The following FMN2 variants were observed in gnomAD, a reference collection of about 807,000 sequenced individuals.
FMN2 encodes formin 2, also known as formin-2.
A neutral mutation model predicts 142.3 loss-of-function variants in FMN2; 51 were observed. The ratio of observed to expected loss-of-function variants is 0.36; its 90% CI spans 0.29 to 0.45. FMN2 has a LOEUF of 0.45. FMN2 is among the 20% of genes least tolerant of loss of function. The pLI is 1.00. For synonymous variants in FMN2, 882 were observed against 869.8 expected (o/e 1.01, Z -0.25); for missense variants, 1,936 against 2,122.8 (o/e 0.91, Z 1.73).
At chr1:240,172,911 A>T (rs1664764612) in intron 2 of FMN2, among the ~76,000 whole-genome samples, 2 of 149,494 alleles carry the variant, frequency 1.3e-5, no homozygotes, top group African/African-American at 5.0e-5. Flanking sequence ...TTCAGTAGGC[A>T]GCCAGTGGCC....
At chr1:240,170,247 G>A in intron 2 of FMN2, 1 of 1,259,274 alleles carries the variant, frequency 7.9e-7, no homozygotes. Context: ...AGGAGATAGA[G>A]GTGGCACCCC....
chr1:240,414,473 C>T (rs970282783), intron 15 of FMN2, among the ~76,000 whole-genome samples: 1 of 152,176 alleles, frequency 6.6e-6, no homozygotes, highest in African/African-American at 2.4e-5. Context: ...GCTCTGCAAT[C>T]CTGGAATTCA....
intron 7 of FMN2, chr1:240,285,279 G>A (rs1027324573): frequency 2.2e-6 from 1 of 455,184 alleles, no homozygotes; most frequent in African/African-American, 2.0e-5. Context: ...AAGGTGAGGG[G>A]AAGGGAGGAA....
At chr1:240,429,923 C>T (rs1239387571) in intron 15 of FMN2, among the ~76,000 whole-genome samples, 3 of 149,888 alleles carry the variant, frequency 2.0e-5, no homozygotes, top group Non-Finnish European at 3.0e-5. Flanking sequence ...TCTCGCTCTG[C>T]CGCCCAGGCT....
intron 15 of FMN2, among the ~76,000 whole-genome samples, chr1:240,405,007 C>CT (rs1177640971): frequency 6.6e-6 from 1 of 152,110 alleles, no homozygotes; most frequent in Non-Finnish European, 1.5e-5. Context: ...TTTGTATAAA[C>CT]TTGAGATCCT....
At chr1:240,376,253 GTC>G (rs1333549142) in intron 14 of FMN2, among the ~76,000 whole-genome samples, 3 of 152,006 alleles carry the variant, frequency 2.0e-5, no homozygotes, top group African/African-American at 7.2e-5. Context: ...ATAAAGTTGA[GTC>G]TTATTTTTCT....
At chr1:240,306,181 C>A (rs1252778036) in intron 8 of FMN2, among the ~76,000 whole-genome samples, 1 of 152,122 alleles carries the variant, frequency 6.6e-6, no homozygotes. Flanking sequence ...GACTCCTGAC[C>A]TCATGGTCCA....
At chr1:240,125,559 G>A (rs1194674129) in intron 2 of FMN2, among the ~76,000 whole-genome samples, 1 of 152,196 alleles carries the variant, frequency 6.6e-6, no homozygotes, top group Non-Finnish European at 1.5e-5. Flanking sequence ...TATAGTGCAG[G>A]CAAAGGCAAA....
At chr1:240,185,305 A>T (rs12046275) in intron 3 of FMN2, among the ~76,000 whole-genome samples, 2 of 150,950 alleles carry the variant, frequency 1.3e-5, no homozygotes, top group African/African-American at 2.4e-5. Flanking sequence ...TTTATTTTTC[A>T]GTGAAGTTAT....
chr1:240,225,588 A>G (rs1393316743), intron 6 of FMN2, among the ~76,000 whole-genome samples: 2 of 152,238 alleles, frequency 1.3e-5, no homozygotes, highest in Non-Finnish European at 2.9e-5. Context: ...AGGGAAGGGA[A>G]AAATCAATAT....
intron 13 of FMN2, among the ~76,000 whole-genome samples, chr1:240,355,306 C>A (rs1672226772): frequency 1.3e-5 from 2 of 152,058 alleles, no homozygotes; most frequent in Non-Finnish European, 1.5e-5. Context: ...ACTAACATTA[C>A]CACCCATGTT....
intron 14 of FMN2, among the ~76,000 whole-genome samples, chr1:240,376,824 G>C (rs950927600): frequency 6.6e-6 from 1 of 152,024 alleles, no homozygotes; most frequent in Non-Finnish European, 1.5e-5. Context: ...TGGCTTATAT[G>C]TTATACATCT....
intron 7 of FMN2, among the ~76,000 whole-genome samples, chr1:240,290,148 G>A (rs1168392728): frequency 6.6e-6 from 1 of 152,158 alleles, no homozygotes; most frequent in Non-Finnish European, 1.5e-5. Flanking sequence ...TTTTTTTAAT[G>A]TAATGCAGTC....
At chr1:240,126,819 G>C (rs1378930535) in intron 2 of FMN2, among the ~76,000 whole-genome samples, 1 of 152,204 alleles carries the variant, frequency 6.6e-6, no homozygotes, top group East Asian at 1.9e-4. Flanking sequence ...AAAATGGAGA[G>C]AGACAGATTT....
chr1:240,216,118 G>A (rs756146246), intron 6 of FMN2, among the ~76,000 whole-genome samples: 5 of 152,130 alleles, frequency 3.3e-5, no homozygotes, highest in Admixed American at 6.6e-5. Flanking sequence ...ATAAGCTTCC[G>A]TAAGCAGTAA....
Position 240,472,859 on chromosome 1 carries a change from C to G in FMN2, c.5142+406C>G, listed in dbSNP as rs192296238. Among the ~76,000 whole-genome samples, 628 of 150,850 alleles carry G rather than the reference C, an allele frequency of 4.2e-3. 1 individual carries two copies. The highest frequency in any genetic ancestry group is 0.014 in the African/African-American group (556 of 40,984). ...ACTTGGGAAGCTGAGGCAGAGGAAT[C>G]GCTTGAACCTGGGAGGTGGAGATTG... On this transcript the variant is annotated intron_variant, in intron 17 of 17. Coordinates refer to ENST00000319653, the MANE Select transcript of FMN2 (RefSeq NM_020066.5).
intron 1 of FMN2, among the ~76,000 whole-genome samples, chr1:240,111,892 T>G (rs898106808): frequency 6.6e-6 from 1 of 152,144 alleles, no homozygotes; most frequent in African/African-American, 2.4e-5. Context: ...TGGGTGTACT[T>G]CATGAAGTCA....
chr1:240,434,814 C>T lies in FMN2; in HGVS notation c.4911-3247C>T, dbSNP rs1451024891. On this transcript the variant is annotated intron_variant, in intron 15 of 17. Transcript: ENST00000319653. Reference sequence around the variant, plus strand: ...GTCTCGATCTCCTGACCTCGTGATCCGCTGCCTCAGCCTCCCAAAATGCTG... The same window carrying T: ...GTCTCGATCTCCTGACCTCGTGATCTGCTGCCTCAGCCTCCCAAAATGCTG... 6.0e-5 allele frequency among the ~76,000 whole-genome samples: 9 copies of T among 150,612 alleles called. 1 individual carries two copies. In the South Asian group the frequency reaches 6.3e-4, roughly 11 times the overall value.
chr1:240,193,635 G>A (rs921565409), intron 4 of FMN2, among the ~76,000 whole-genome samples: 8 of 152,358 alleles, frequency 5.3e-5, no homozygotes, highest in Admixed American at 1.3e-4. Context: ...GACCTGAGAG[G>A]CAGCTCAGCT....
Sources: gnomAD v4.1 joint callset for allele counts (sites outside exome capture counted in the v4.1 genomes callset) on GRCh38, gnomAD v4.1.1 for gene constraint, MANE v1.5 for transcripts, NCBI Gene and HGNC (gene_info 2026-07-23, HGNC 2026-07-21) for gene names.